CAPN9: variants seen among roughly 807,000 people sequenced by gnomAD.
CAPN9 encodes the protein calpain-9.
Under a neutral mutation model 92.8 loss-of-function variants are expected in CAPN9, and 81 were observed. The observed-to-expected ratio is 0.87, with a 90% CI of 0.73 to 1.05. CAPN9 has a LOEUF of 1.05. Ranked by LOEUF, CAPN9 falls within the 50% of genes least tolerant of loss-of-function variation. The probability of loss-of-function intolerance (pLI) is 0.00; values close to 1 mark genes in which losing one functional copy is unlikely to be tolerated. For synonymous variants in CAPN9, 304 were observed against 328.0 expected (o/e 0.93, Z 0.79); for missense variants, 848 against 866.2 (o/e 0.98, Z 0.26).
At chr1:230,774,256 C>G (rs142279156) in intron 7 of CAPN9, among the ~76,000 whole-genome samples, 1 of 152,244 alleles carries the variant, frequency 6.6e-6, no homozygotes, top group African/African-American at 2.4e-5. Context: ...TGCTACCCCA[C>G]GGGCATGCAA....
At chr1:230,752,686 G>C in intron 1 of CAPN9, 1 of 985,398 alleles carries the variant, frequency 1.0e-6, no homozygotes, top group Non-Finnish European at 1.2e-6. Context: ...AGGGATCTGT[G>C]GCTTTTGGAG....
chr1:230,760,296 T>G (rs1260655204), intron 3 of CAPN9, among the ~76,000 whole-genome samples: 1 of 152,154 alleles, frequency 6.6e-6, no homozygotes, highest in East Asian at 1.9e-4. Context: ...CATTAAACCT[T>G]TCTACACTCG....
chr1:230,770,176 C>A (rs959870597), intron 6 of CAPN9, among the ~76,000 whole-genome samples: 1 of 152,176 alleles, frequency 6.6e-6, no homozygotes, highest in African/African-American at 2.4e-5. Context: ...TCTCTGCAAA[C>A]TGGAGGCCCA....
chr1:230,769,858 G>A (rs530964193), intron 6 of CAPN9, among the ~76,000 whole-genome samples: 1 of 152,046 alleles, frequency 6.6e-6, no homozygotes, highest in Non-Finnish European at 1.5e-5. Flanking sequence ...TTAATAAATA[G>A]TAAATGTATT....
Position 230,780,625 on chromosome 1 carries a change from C to T in CAPN9, c.1398C>T (p.Tyr466=). 6.2e-7 allele frequency: 1 copy of T among 1,614,146 alleles called. No homozygotes were observed. ...GGTTCAAGCTGCCCCCTGGGGAGTA[C>T]ATCCTGATTCCCAGCACTTTTGAGC... is the stretch of plus-strand genomic sequence containing the variant. The part of the protein sequence containing the change: ...SDRFKLPPGE[Y]ILIPSTFEPH... Residue 466 remains tyrosine (Y), a synonymous_variant, in exon 11 of 20, where the codon TAC becomes TAT. Transcript: ENST00000271971.
At chr1:230,776,753 A>G (rs1666810992) in intron 8 of CAPN9, 1 of 152,222 alleles carries the variant, frequency 6.6e-6, no homozygotes, top group African/African-American at 2.4e-5. Flanking sequence ...CATCATCTGC[A>G]CATAGCCAGC....
At chr1:230,787,012 C>T (rs1342219295) in intron 12 of CAPN9, among the ~76,000 whole-genome samples, 2 of 152,146 alleles carry the variant, frequency 1.3e-5, no homozygotes, top group Non-Finnish European at 2.9e-5. Flanking sequence ...ATTTGCTGTT[C>T]CATGCTGGGG....
At chr1:230,755,503 G>C in intron 2 of CAPN9, 97 bp downstream of exon 2, 1 of 844,268 alleles carries the variant, frequency 1.2e-6, no homozygotes, top group Non-Finnish European at 1.9e-6. Flanking sequence ...CAAGAGGCAC[G>C]GGGCTGGGGG....
chr1:230,754,572 C>T (rs567487286), intron 1 of CAPN9, among the ~76,000 whole-genome samples: 9 of 147,894 alleles, frequency 6.1e-5, no homozygotes, highest in South Asian at 4.3e-4. Flanking sequence ...GAATCCAAGG[C>T]GGGAGGATCA....
chr1:230,795,206 G>A lies in CAPN9; in HGVS notation c.1914G>A (p.Arg638=). 1 of 1,613,680 alleles carries A rather than the reference G, an allele frequency of 6.2e-7. No individual in the cohort carries two copies. The highest frequency in any genetic ancestry group is 8.5e-7 in the Non-Finnish European group (1 of 1,179,844). ...SSHLLQLIVL[R]YADEELQLDF... is the part of the protein sequence containing the mutation. Reference sequence around the variant, plus strand: ...ACCTCCTGCAGCTGATTGTGCTCAGGTATGCGGATGAGGAGCTCCAGCTGG... The same window carrying A: ...ACCTCCTGCAGCTGATTGTGCTCAGATATGCGGATGAGGAGCTCCAGCTGG... The change falls in exon 18 of 20, where the codon AGG becomes AGA. Residue 638 remains arginine (R), a synonymous_variant. Coordinates refer to ENST00000271971, the MANE Select transcript of CAPN9 (RefSeq NM_006615.3).
chr1:230,769,088 T>C (rs1011280008), intron 5 of CAPN9, 92 bp from the exon 6 acceptor site: 1 of 984,058 alleles, frequency 1.0e-6, no homozygotes, highest in Non-Finnish European at 1.6e-6. Context: ...GGGCTGGAGG[T>C]TGTGACCGGG....
At position 230,762,513 on chromosome 1, in the gene CAPN9, A is replaced by T. The variant is rs190503881; in HGVS notation, c.403-140A>T. 1.1e-4 allele frequency: 105 copies of T among 939,540 alleles called. No individual in the cohort carries two copies. The African/African-American group carries it at 1.6e-3, about 14-fold the overall frequency. The allele number at this position is 939,540 out of a possible 1,614,324, so 58.2% of individuals were successfully genotyped here. Reference sequence around the variant, plus strand: ...ACAAAGCCCAGGTGCCCTACCTTGGAACCCGTGTGTGATTTTCAAAGCTGT... The same window carrying T: ...ACAAAGCCCAGGTGCCCTACCTTGGTACCCGTGTGTGATTTTCAAAGCTGT... On this transcript the variant is annotated intron_variant, in intron 3 of 19. Transcript: ENST00000271971.
chr1:230,765,244 C>T (rs1317517111), intron 4 of CAPN9, among the ~76,000 whole-genome samples: 1 of 150,854 alleles, frequency 6.6e-6, no homozygotes, highest in Non-Finnish European at 1.5e-5. Flanking sequence ...CACACACACA[C>T]ACACACACAC....
intron 19 of CAPN9, among the ~76,000 whole-genome samples, chr1:230,799,106 C>T (rs1668526855): frequency 6.6e-6 from 1 of 152,198 alleles, no homozygotes; most frequent in African/African-American, 2.4e-5. Context: ...TGGCTCCTCC[C>T]CAGTCTCTGG....
At chr1:230,796,923 G>T (rs766397515) in intron 18 of CAPN9, among the ~76,000 whole-genome samples, 2 of 152,206 alleles carry the variant, frequency 1.3e-5, no homozygotes, top group Non-Finnish European at 2.9e-5. Flanking sequence ...TTTGCCTGGA[G>T]AACTTTTAGA....
chr1:230,792,940 A>G lies in CAPN9; in HGVS notation c.1870+12A>G, dbSNP rs781377520. 6.2e-7 allele frequency: 1 copy of G among 1,604,018 alleles called. No homozygotes were observed. Among genetic ancestry groups the G allele is most frequent in the African/African-American group, 1.3e-5 (1 of 74,632 alleles). ...ACTGAAAGCTGCAGGTAAAGAAAAG[A>G]CTGGAGTACAGGTGGCTGACTGCAT... On this transcript the variant is annotated intron_variant, in intron 17 of 19. Transcript: ENST00000271971.
intron 1 of CAPN9, among the ~76,000 whole-genome samples, chr1:230,750,173 C>T (rs773451487): frequency 6.6e-6 from 1 of 152,116 alleles, no homozygotes; most frequent in South Asian, 2.1e-4. Flanking sequence ...AGGCCAGGGC[C>T]CTTGATACAC....
At chr1:230,751,655 GAAAGAAAGAAAGAAAGAAAGAA>G (rs1664835505) in intron 1 of CAPN9, among the ~76,000 whole-genome samples, 3 of 89,580 alleles carry the variant, frequency 3.3e-5, no homozygotes, top group South Asian at 6.4e-4. Context: ...AAGAAAGAAA[GAAAGAAAGAAAGAAAGAAAGAA>G]AGAAAGAAGG....
intron 19 of CAPN9, among the ~76,000 whole-genome samples, chr1:230,800,408 C>T (rs1175655819): frequency 6.6e-6 from 1 of 151,904 alleles, no homozygotes; most frequent in Non-Finnish European, 1.5e-5. Flanking sequence ...TGATGGCTGC[C>T]CCTGGTCCAT....
Sources: allele counts gnomAD v4.1 joint callset (sites outside exome capture counted in the v4.1 genomes callset), GRCh38; gene constraint gnomAD v4.1.1; transcripts MANE v1.5; gene names NCBI Gene and HGNC (gene_info 2026-07-23, HGNC 2026-07-21).